ZNF266: variants seen among roughly 807,000 people sequenced by gnomAD.
ZNF266 encodes the protein zinc finger protein 266.
In ZNF266, 16 loss-of-function variants were observed where a neutral mutation model predicts 16.4. The ratio of observed to expected loss-of-function variants is 0.98; its 90% CI spans 0.66 to 1.48. The LOEUF (loss-of-function observed/expected upper bound fraction) is 1.48. ZNF266 is among the 40% of genes most tolerant of loss of function. The pLI is 0.00. For synonymous variants in ZNF266, 262 were observed against 237.9 expected (o/e 1.10, Z -0.93); for missense variants, 738 against 689.1 (o/e 1.07, Z -0.79).
At position 9,413,337 on chromosome 19, in the gene ZNF266, T is replaced by G. The variant is rs1445944543; in HGVS notation, c.1789A>C (p.Ser597Arg). The G allele has an allele frequency of 9.9e-6, 16 of 1,611,796 alleles. No individual in the cohort carries two copies. The highest frequency in any genetic ancestry group is 1.4e-5 in the Non-Finnish European group (16 of 1,178,828). Residue 597 changes from serine to arginine, a missense_variant, in exon 11 of 11, where the codon AGT becomes CGT. By Grantham distance (110) the Ser-to-Arg change is moderately radical (BLOSUM62 -1). Coordinates refer to ENST00000592904, the MANE Select transcript of ZNF266 (RefSeq NM_001370374.1). ...TGATTTCGAAAGGAACTGGAAGAAC[T>G]GAAGGCTTTCCCGCACTCCTTACAT... ...YECKECGKAF[S>R]SSSSFRNHER...
At chr19:9,430,101 T>G (rs991683010) in intron 5 of ZNF266, among the ~76,000 whole-genome samples, 16 of 141,800 alleles carry the variant, frequency 1.1e-4, no homozygotes, top group African/African-American at 4.2e-4. Context: ...TTCACACTCC[T>G]TGAGGCTCAG....
intron 8 of ZNF266, 122 bp downstream of exon 8, chr19:9,418,383 G>A (rs2069380419): frequency 2.8e-6 from 3 of 1,084,174 alleles, no homozygotes; most frequent in African/African-American, 1.6e-5. Flanking sequence ...AACCCTATTA[G>A]GGCAGGGACT....
intron 9 of ZNF266, 23 bp downstream of exon 9, chr19:9,417,805 G>C: frequency 6.2e-7 from 1 of 1,606,432 alleles, no homozygotes; most frequent in Non-Finnish European, 8.5e-7. Context: ...TATTGACCAG[G>C]GCGGTCCTTT....
chr19:9,433,490 A>T (rs1442267921), intron 5 of ZNF266, among the ~76,000 whole-genome samples, 178 bp downstream of exon 5: 1 of 152,242 alleles, frequency 6.6e-6, no homozygotes. Flanking sequence ...TTATGAATAT[A>T]CATATTTCCT....
At chr19:9,431,382 C>T (rs545365715) in intron 5 of ZNF266, among the ~76,000 whole-genome samples, 6 of 152,266 alleles carry the variant, frequency 3.9e-5, no homozygotes, top group African/African-American at 1.4e-4. Context: ...TGCCGACTGG[C>T]TTGATGGCTT....
At chr19:9,431,324 G>A (rs1057141209) in intron 5 of ZNF266, among the ~76,000 whole-genome samples, 3 of 152,092 alleles carry the variant, frequency 2.0e-5, no homozygotes, top group Non-Finnish European at 2.9e-5. Flanking sequence ...TAATATGGAC[G>A]CCACATGCTC....
At chr19:9,416,107 C>T (rs1818910204) in intron 9 of ZNF266, among the ~76,000 whole-genome samples, 1 of 152,186 alleles carries the variant, frequency 6.6e-6, no homozygotes, top group South Asian at 2.1e-4. Flanking sequence ...CAGGCATTAG[C>T]CACCACACCC....
chr19:9,429,648 T>C (rs2071290891), intron 5 of ZNF266, among the ~76,000 whole-genome samples: 1 of 152,188 alleles, frequency 6.6e-6, no homozygotes, highest in Admixed American at 6.5e-5. Flanking sequence ...GTGACATCCG[T>C]GGACTGCCTC....
rs1568408227 is a variant in ZNF266, at chr19:9,417,928, C to G, written c.236-20G>C. ...GATATCCTGTGCACAAAGAAAGATA[C>G]ATTACCAGAAGAGGCTCATGCAAGA... On this transcript the variant is annotated intron_variant, in intron 8 of 10. Coordinates refer to ENST00000592904, the MANE Select transcript of ZNF266 (RefSeq NM_001370374.1). 2.5e-6 allele frequency: 4 copies of G among 1,610,534 alleles called. No homozygotes were observed. The highest frequency in any genetic ancestry group is 1.7e-4 in the Middle Eastern group (1 of 6,054).
intron 7 of ZNF266, 155 bp from the exon 8 acceptor site, chr19:9,418,786 A>G: frequency 1.8e-6 from 1 of 542,056 alleles, no homozygotes; most frequent in Non-Finnish European, 3.4e-6. Context: ...CTCCAGTGAC[A>G]CGGCTTGAAT....
chr19:9,420,629 C>T (rs1384973799), intron 5 of ZNF266: 2 of 152,114 alleles, frequency 1.3e-5, no homozygotes, highest in African/African-American at 4.8e-5. Context: ...TAGTGCATGC[C>T]TATAAATCCC....
chr19:9,434,629 T>C (rs770873460), intron 3 of ZNF266, among the ~76,000 whole-genome samples, 169 bp downstream of exon 3: 2 of 152,182 alleles, frequency 1.3e-5, no homozygotes, highest in African/African-American at 4.8e-5. Flanking sequence ...AAACCATATA[T>C]TGGAACAAAG....
intron 5 of ZNF266, among the ~76,000 whole-genome samples, chr19:9,428,243 A>C (rs1001660563): frequency 7.2e-5 from 11 of 152,196 alleles, no homozygotes; most frequent in African/African-American, 2.7e-4. Flanking sequence ...GCTCTAGGTC[A>C]GGGAAACAAC....
intron 5 of ZNF266, among the ~76,000 whole-genome samples, chr19:9,432,148 A>G (rs10412150): frequency 0.56 from 85,153 of 151,410 alleles, 24,138 homozygotes; most frequent in Middle Eastern, 0.63. Flanking sequence ...TAATAGAGTC[A>G]GGGTTTCACC....
At position 9,414,048 on chromosome 19, in the gene ZNF266, C is replaced by A. The variant is rs1413447334; in HGVS notation, c.1078G>T (p.Glu360Ter). Reference protein sequence around the residue: ...LSQHMKIHVGEKPYECKECGI... With the variant: ...LSQHMKIHVG ...CATTCCTTGCATTCATAAGGCTTCT[C>A]ACCCACATGGATTTTCATATGTTGA... Residue 360 changes from glutamate to a stop codon, truncating the protein, a stop_gained, in exon 11 of 11, where the codon GAG becomes TAG. Coordinates refer to ENST00000592904, the MANE Select transcript of ZNF266 (RefSeq NM_001370374.1). LOFTEE classifies it low-confidence loss of function (END_TRUNC). The A allele has an allele frequency of 1.9e-6, 3 of 1,614,026 alleles. No homozygotes were observed. The highest frequency in any genetic ancestry group is 1.7e-5 in the Admixed American group (1 of 60,004).
intron 5 of ZNF266, among the ~76,000 whole-genome samples, chr19:9,432,903 T>C (rs1174663447): frequency 6.6e-6 from 1 of 152,106 alleles, no homozygotes; most frequent in Non-Finnish European, 1.5e-5. Flanking sequence ...TTTACTGTTG[T>C]ACAGTTGTAT....
At position 9,418,714 on chromosome 19, in the gene ZNF266, G is replaced by A. The variant is rs564207385; in HGVS notation, c.109-83C>T. ...GCAAAATGCAATACCTACAGAGTCT[G>A]AGGGCTCACATTGCCCACCCCAGGA... On this transcript the variant is annotated intron_variant, in intron 7 of 10. Coordinates refer to ENST00000592904, the MANE Select transcript of ZNF266 (RefSeq NM_001370374.1). 29 of 705,360 alleles carry A rather than the reference G, an allele frequency of 4.1e-5. No homozygotes were observed. The African/African-American group carries it at 4.8e-4, about 12-fold the overall frequency. 43.7% of individuals were successfully genotyped at this position (705,360 alleles called of 1,614,324 possible).
At position 9,413,725 on chromosome 19, in the gene ZNF266, T is replaced by C. The variant is rs2068563449; in HGVS notation, c.1401A>G (p.Arg467=). The part of the protein sequence containing the change: ...ARSSRLSEHT[R]THTGEKPFEC... ...CAAAAGGCTTCTCTCCAGTGTGAGTTCTTGTATGTTCACTAAGGCGAGAGG... is the reference window on the plus strand; with the variant it reads ...CAAAAGGCTTCTCTCCAGTGTGAGTCCTTGTATGTTCACTAAGGCGAGAGG... Residue 467 remains arginine, a synonymous_variant, in exon 11 of 11, where the codon AGA becomes AGG. Transcript: ENST00000592904. The C allele has an allele frequency of 2.5e-6, 4 of 1,614,232 alleles. No homozygotes were observed. The highest frequency in any genetic ancestry group is 3.4e-6 in the Non-Finnish European group (4 of 1,180,050).
intron 5 of ZNF266, among the ~76,000 whole-genome samples, chr19:9,429,495 T>C (rs1259897350): frequency 6.6e-6 from 1 of 151,912 alleles, no homozygotes; most frequent in African/African-American, 2.4e-5. Context: ...GGGTATCCAC[T>C]TTATACCCCA....
Sources: gnomAD v4.1 joint callset for allele counts (sites outside exome capture counted in the v4.1 genomes callset) on GRCh38, gnomAD v4.1.1 for gene constraint, MANE v1.5 for transcripts, NCBI Gene and HGNC (gene_info 2026-07-23, HGNC 2026-07-21) for gene names.